ICA1: variants seen among roughly 807,000 people sequenced by gnomAD.
ICA1 encodes the protein 69 kDa islet cell autoantigen.
ICA1 carries 40 observed loss-of-function variants against 71.0 expected under a neutral mutation model. The ratio of observed to expected loss-of-function variants is 0.56; its 90% CI spans 0.44 to 0.73. ICA1 has a LOEUF of 0.73. Ranked by LOEUF, ICA1 falls within the 30% of genes least tolerant of loss-of-function variation. The pLI, the probability that ICA1 is intolerant of heterozygous loss-of-function variation, is 0.00. For missense variants in ICA1, 578 were observed against 576.5 expected, an observed-to-expected ratio of 1.00 and a Z score of -0.03; for synonymous variants, 207 against 209.5, an observed-to-expected ratio of 0.99 and a Z score of 0.10.
In ICA1 at chr7:8,218,498, G is replaced by C; in HGVS notation, c.386C>G (p.Ala129Gly). 1.9e-6 allele frequency: 3 copies of C among 1,613,968 alleles called. No homozygotes were observed. Among genetic ancestry groups the C allele is most frequent in the Non-Finnish European group, 2.5e-6 (3 of 1,179,894 alleles). The change falls in exon 6 of 14, where the codon GCC becomes GGC. Residue 129 changes from alanine (A) to glycine (G), a missense_variant. Coordinates refer to ENST00000402384, the MANE Select transcript of ICA1 (RefSeq NM_001136020.3). ...AAATCGACACAAAGGATTTCGTAAG[G>C]CCAACCTAGACAAGAGGACAAAGCC... Reference protein sequence around the residue: ...ALCFSSQQRLALRNPLCRFHQ... With the variant: ...ALCFSSQQRLGLRNPLCRFHQ...
intron 6 of ICA1, among the ~76,000 whole-genome samples, chr7:8,185,004 G>A (rs1262296006): frequency 1.3e-5 from 2 of 151,876 alleles, no homozygotes; most frequent in Non-Finnish European, 2.9e-5. Flanking sequence ...AACCTGGGAG[G>A]CGGAGGCTGC....
chr7:8,115,367 T>C (rs1784469442), intron 13 of ICA1, among the ~76,000 whole-genome samples: 1 of 152,166 alleles, frequency 6.6e-6, no homozygotes, highest in African/African-American at 2.4e-5. Flanking sequence ...GGGCAGGGTA[T>C]TGCCTAAAAA....
rs1336025540 is a variant in ICA1, at chr7:8,130,325, C to T, written c.1061-2183G>A. Among the ~76,000 whole-genome samples the T allele has an allele frequency of 1.3e-5, 2 of 152,194 alleles. No individual in the cohort carries two copies. Among genetic ancestry groups the T allele is most frequent in the African/African-American group, 4.8e-5 (2 of 41,444 alleles). ...GGCGAGGCAGGACTGTAAGGTCAGG[C>T]AGGTGGCCCACCTCTGTGGATGAAG... On this transcript the variant is annotated intron_variant, in intron 12 of 13. Transcript: ENST00000402384. This position sits in a 1 kb window ranked among gnomAD's most constrained non-coding sequence, Gnocchi z 4.2.
At chr7:8,147,320 T>C (rs541506138) in intron 8 of ICA1, among the ~76,000 whole-genome samples, 9 of 152,284 alleles carry the variant, frequency 5.9e-5, no homozygotes, top group African/African-American at 1.9e-4. Flanking sequence ...TAGCAGGGAC[T>C]CAATTGTTGG....
At chr7:8,212,520 G>C (rs1478313413) in intron 6 of ICA1, among the ~76,000 whole-genome samples, 1 of 152,084 alleles carries the variant, frequency 6.6e-6, no homozygotes, top group African/African-American at 2.4e-5. Flanking sequence ...AGCTGAGATT[G>C]CACCACTGCA....
chr7:8,142,005 A>G, intron 9 of ICA1, 188 bp from the exon 10 acceptor site: 2 of 1,491,386 alleles, frequency 1.3e-6, no homozygotes, highest in Non-Finnish European at 1.8e-6. Flanking sequence ...TTTCTGTAGC[A>G]TCTTAATATC....
At chr7:8,214,552 C>T (rs1317715578) in intron 6 of ICA1, among the ~76,000 whole-genome samples, 4 of 152,144 alleles carry the variant, frequency 2.6e-5, no homozygotes, top group African/African-American at 4.8e-5. Flanking sequence ...CCAGGTATCC[C>T]GTCCCTCATG....
At chr7:8,192,485 C>G (rs1246421411) in intron 6 of ICA1, among the ~76,000 whole-genome samples, 1 of 152,140 alleles carries the variant, frequency 6.6e-6, no homozygotes, top group African/African-American at 2.4e-5. Flanking sequence ...TAACTTTAAT[C>G]TTTTGGTTAA....
intron 6 of ICA1, among the ~76,000 whole-genome samples, chr7:8,214,670 C>A (rs1794840997): frequency 6.6e-6 from 1 of 152,204 alleles, no homozygotes; most frequent in Non-Finnish European, 1.5e-5. Flanking sequence ...TTAATAAATG[C>A]TCTTAATGTT....
chr7:8,129,563 G>T (rs903031915), intron 12 of ICA1, among the ~76,000 whole-genome samples: 1 of 152,052 alleles, frequency 6.6e-6, no homozygotes, highest in African/African-American at 2.4e-5. Flanking sequence ...CACTTTAGTC[G>T]GACAACTGTC....
intron 13 of ICA1, among the ~76,000 whole-genome samples, chr7:8,126,672 T>A (rs1033330274): frequency 6.6e-6 from 1 of 152,178 alleles, no homozygotes; most frequent in African/African-American, 2.4e-5. Context: ...CAGCTTTAAG[T>A]GCCAGATAAA....
intron 12 of ICA1, among the ~76,000 whole-genome samples, chr7:8,133,887 A>G (rs1792391129): frequency 6.9e-6 from 1 of 144,470 alleles, no homozygotes; most frequent in Non-Finnish European, 1.5e-5. Context: ...GGAATCTTAG[A>G]GATCATCTCC....
At chr7:8,218,974 G>C in intron 5 of ICA1, 1 of 206,848 alleles carries the variant, frequency 4.8e-6, no homozygotes, top group South Asian at 9.1e-5. Flanking sequence ...TAGTCACAGA[G>C]GAATGAAATA....
chr7:8,176,983 C>A (rs992725244), intron 6 of ICA1, among the ~76,000 whole-genome samples: 2 of 152,230 alleles, frequency 1.3e-5, no homozygotes. Context: ...AATCTCCGAA[C>A]AGCGAGATTA....
chr7:8,161,270 C>G (rs113998757), intron 6 of ICA1, among the ~76,000 whole-genome samples: 2,753 of 152,070 alleles, frequency 0.018, 68 homozygotes, highest in African/African-American at 0.063. Context: ...GGAGGACAGA[C>G]AAGTTAGTCA....
chr7:8,161,636 G>T (rs1489294350), intron 6 of ICA1, among the ~76,000 whole-genome samples: 1 of 152,160 alleles, frequency 6.6e-6, no homozygotes, highest in African/African-American at 2.4e-5. Flanking sequence ...AGCTGGAGGG[G>T]GGTGAGAAAC....
At position 8,143,954 on chromosome 7, in the gene ICA1, T is replaced by C. The variant is rs2128132364; in HGVS notation, c.823A>G (p.Lys275Glu). 6.2e-7 allele frequency: 1 copy of C among 1,600,042 alleles called. No homozygotes were observed. Among genetic ancestry groups the C allele is most frequent in the Non-Finnish European group, 8.6e-7 (1 of 1,167,764 alleles). The part of the protein sequence containing the change: ...TTLKSLQDPM[K>E]KLVEKEEKKK... ...TTCTCTTCTTTCTCAACTAATTTTT[T>C]CATAGGGTCTTGTAAGCTCTTGATC... The change falls in exon 9 of 14, where the codon AAA (lysine) becomes GAA (glutamate). Residue 275 changes from lysine to glutamate, a missense_variant. Coordinates refer to ENST00000402384, the MANE Select transcript of ICA1 (RefSeq NM_001136020.3).
intron 1 of ICA1, among the ~76,000 whole-genome samples, chr7:8,238,918 T>C (rs1232743727): frequency 1.3e-5 from 2 of 152,196 alleles, no homozygotes; most frequent in African/African-American, 2.4e-5. Flanking sequence ...TGAGAATGAT[T>C]CTGGGAATCT....
At position 8,123,953 on chromosome 7, in the gene ICA1, A is replaced by G. The variant is rs928094715; in HGVS notation, c.1330+3920T>C. ...ACTGTTCCTCAGTTTCCCAGGCAAT[A>G]AAACGGATAATAGTAGCTGGCTGGG... On this transcript the variant is annotated intron_variant, in intron 13 of 13. Transcript: ENST00000402384. The surrounding 1 kb of genome is among the most constrained non-coding windows in gnomAD (Gnocchi z 4.1). Among the ~76,000 whole-genome samples the G allele has an allele frequency of 5.8e-4, 88 of 152,190 alleles. No homozygotes were observed. Among genetic ancestry groups the G allele is most frequent in the African/African-American group, 1.9e-3 (80 of 41,442 alleles).
Sources: gnomAD v4.1 joint callset for allele counts (sites outside exome capture counted in the v4.1 genomes callset) on GRCh38, gnomAD v4.1.1 for gene constraint, Gnocchi (gnomAD v3.1) non-coding constraint, MANE v1.5 for transcripts, NCBI Gene and HGNC (gene_info 2026-07-23, HGNC 2026-07-21) for gene names.